Variants in ABCB1 observed in about 807,000 individuals in gnomAD.
ABCB1 encodes the protein ATP-dependent translocase ABCB1.
A neutral mutation model predicts 142.0 loss-of-function variants in ABCB1; 69 were observed. The observed-to-expected ratio is 0.49, with a 90% CI of 0.40 to 0.59. The LOEUF is 0.59. ABCB1 is among the 20% of genes least tolerant of loss of function. The probability of loss-of-function intolerance (pLI) is 0.00; values close to 1 mark genes in which losing one functional copy is unlikely to be tolerated. For synonymous variants in ABCB1, 532 were observed against 539.2 expected, an observed-to-expected ratio of 0.99 and a Z score of 0.18; for missense variants, 1,326 against 1,554.7, an observed-to-expected ratio of 0.85 and a Z score of 2.47.
At chr7:87,627,090 A>G (rs1343431471) in intron 1 of ABCB1, among the ~76,000 whole-genome samples, 1 of 152,136 alleles carries the variant, frequency 6.6e-6, no homozygotes, top group Non-Finnish European at 1.5e-5. Flanking sequence ...TTTTTATTCT[A>G]CTAAACAGAA....
chr7:87,571,543 T>C (rs1234097996), intron 4 of ABCB1, among the ~76,000 whole-genome samples: 1 of 152,104 alleles, frequency 6.6e-6, no homozygotes, highest in Non-Finnish European at 1.5e-5. Flanking sequence ...AGGAAGAAGT[T>C]ACAGGACTTA....
intron 1 of ABCB1, among the ~76,000 whole-genome samples, chr7:87,703,846 A>G (rs1447448913): frequency 1.1e-5 from 1 of 94,094 alleles, no homozygotes; most frequent in African/African-American, 4.0e-5. Context: ...TGCAGTGTGA[A>G]TTCCCCTTTG....
chr7:87,709,967 T>G (rs543417141), intron 1 of ABCB1, among the ~76,000 whole-genome samples: 1 of 152,300 alleles, frequency 6.6e-6, no homozygotes, highest in Non-Finnish European at 1.5e-5. Context: ...GCTTCTGTTT[T>G]TTGTTGTTGT....
At chr7:87,664,607 G>A (rs1825046476) in intron 1 of ABCB1, among the ~76,000 whole-genome samples, 1 of 152,080 alleles carries the variant, frequency 6.6e-6, no homozygotes, top group African/African-American at 2.4e-5. Flanking sequence ...TATGATGTCT[G>A]AAATAAAACA....
chr7:87,701,624 T>G (rs1829043294), intron 1 of ABCB1, among the ~76,000 whole-genome samples: 1 of 152,192 alleles, frequency 6.6e-6, no homozygotes, highest in South Asian at 2.1e-4. Flanking sequence ...GTCATTAATA[T>G]GATTACAGAA....
rs757936155 is a variant in ABCB1 at position 87,626,246 on chromosome 7, A to ATTGTCATATATATGTGTCATATATAT, written c.-330-25169_-330-25168insATATATATGACACATATATATGACAA. ...TATGTCATATATATGTGTCATATAT[A>ATTGTCATATATATGTGTCATATATAT]TGTCATATATATGTGTCATATATGT... On this transcript the variant is annotated intron_variant, in intron 1 of 28. Transcript: ENST00000265724. Among the ~76,000 whole-genome samples the ATTGTCATATATATGTGTCATATATAT allele has an allele frequency of 2.9e-3, 36 of 12,534 alleles. 6 individuals carry two copies. Among genetic ancestry groups the ATTGTCATATATATGTGTCATATATAT allele is most frequent in the Admixed American group, 4.6e-3 (4 of 866 alleles). The allele number at this position is 12,534 out of a possible 152,430, so 8.2% of individuals were successfully genotyped here.
intron 21 of ABCB1, among the ~76,000 whole-genome samples, chr7:87,523,355 T>C (rs1815616221): frequency 6.6e-6 from 1 of 152,152 alleles, no homozygotes; most frequent in African/African-American, 2.4e-5. Context: ...GGGCTGGGTA[T>C]GGTGGCTCAT....
chr7:87,534,563 A>G (rs2117138866), intron 20 of ABCB1, among the ~76,000 whole-genome samples: 1 of 152,206 alleles, frequency 6.6e-6, no homozygotes, highest in South Asian at 2.1e-4. Flanking sequence ...CATGTCTCAT[A>G]CAGAACTCTC....
intron 27 of ABCB1, among the ~76,000 whole-genome samples, chr7:87,504,697 C>T (rs973366459): frequency 1.5e-4 from 23 of 151,026 alleles, no homozygotes; most frequent in Admixed American, 2.6e-4. Context: ...CCCAGCTAGT[C>T]GGGAGGCTGA....
At chr7:87,625,373 A>G (rs1206855820) in intron 1 of ABCB1, among the ~76,000 whole-genome samples, 1 of 152,218 alleles carries the variant, frequency 6.6e-6, no homozygotes, top group Non-Finnish European at 1.5e-5. Context: ...ACTGGAGGCT[A>G]GGAAGCCAAT....
At chr7:87,608,525 T>A (rs541245120) in intron 1 of ABCB1, among the ~76,000 whole-genome samples, 2 of 152,368 alleles carry the variant, frequency 1.3e-5, no homozygotes, top group South Asian at 4.1e-4. Context: ...ACTATGTACC[T>A]ATTTCCTCAT....
intron 1 of ABCB1, among the ~76,000 whole-genome samples, chr7:87,651,279 T>C (rs993637388): frequency 6.6e-6 from 1 of 152,144 alleles, no homozygotes; most frequent in Non-Finnish European, 1.5e-5. Context: ...ATTATGTTTA[T>C]TTGTTTAGCA....
chr7:87,564,936 A>G (rs1229306171), intron 7 of ABCB1, among the ~76,000 whole-genome samples: 1 of 152,228 alleles, frequency 6.6e-6, no homozygotes, highest in Non-Finnish European at 1.5e-5. Flanking sequence ...ATACAGAAAA[A>G]TCAATTGACA....
At chr7:87,643,204 G>A (rs547365982) in intron 1 of ABCB1, among the ~76,000 whole-genome samples, 26 of 152,254 alleles carry the variant, frequency 1.7e-4, no homozygotes, top group African/African-American at 6.3e-4. Context: ...ACCACACCTG[G>A]CCCTGCTTTC....
rs112595468 is a variant in ABCB1, at chr7:87,519,394, A to G, written c.2859T>C (p.Tyr953=). 6.2e-7 allele frequency: 1 copy of G among 1,614,200 alleles called. No homozygotes were observed. Among genetic ancestry groups the G allele is most frequent in the South Asian group, 1.1e-5 (1 of 91,092 alleles). Residue 953 remains tyrosine, a synonymous_variant, in exon 23 of 28, where the codon TAT becomes TAC. Transcript: ENST00000622132. The part of the protein sequence containing the change: ...SFTQAMMYFS[Y]AGCFRFGAYL... ...AGGCTCCAAACCGGAAACATCCAGCATAGGAAAAATACATCATTGCCTGGG... is the reference window on the plus strand; with the variant it reads ...AGGCTCCAAACCGGAAACATCCAGCGTAGGAAAAATACATCATTGCCTGGG...
At chr7:87,623,650 T>C (rs1820306305) in intron 1 of ABCB1, among the ~76,000 whole-genome samples, 1 of 152,228 alleles carries the variant, frequency 6.6e-6, no homozygotes, top group Non-Finnish European at 1.5e-5. Flanking sequence ...CGGAAACCCA[T>C]ACCTCCCCTG....
intron 8 of ABCB1, among the ~76,000 whole-genome samples, chr7:87,556,120 C>G (rs1035170744): frequency 6.6e-6 from 1 of 152,068 alleles, no homozygotes; most frequent in Admixed American, 6.6e-5. Context: ...TCATCAAAGG[C>G]TTTAGTACAG....
chr7:87,536,562 T>G (rs1816304196), intron 19 of ABCB1, 21 bp from the exon 20 acceptor site: 2 of 1,612,470 alleles, frequency 1.2e-6, no homozygotes, highest in Admixed American at 1.7e-5. Context: ...GAAAATGATT[T>G]TATTACCTTA....
intron 17 of ABCB1, among the ~76,000 whole-genome samples, chr7:87,542,060 C>T (rs1196802191): frequency 6.6e-6 from 1 of 152,162 alleles, no homozygotes; most frequent in Non-Finnish European, 1.5e-5. Flanking sequence ...ACTCAAGGAA[C>T]ACAGAGGATA....
Sources: allele counts gnomAD v4.1 joint callset (sites outside exome capture counted in the v4.1 genomes callset), GRCh38; gene constraint gnomAD v4.1.1; transcripts MANE v1.5; gene names NCBI Gene and HGNC (gene_info 2026-07-23, HGNC 2026-07-21).